PTPN11: variants seen among roughly 807,000 people sequenced by gnomAD.
PTPN11 encodes protein tyrosine phosphatase non-receptor type 11, also known as tyrosine-protein phosphatase non-receptor type 11.
PTPN11 carries 6 observed loss-of-function variants against 78.8 expected under a neutral mutation model. The observed-to-expected ratio is 0.08, with a 90% CI of 0.04 to 0.15. The LOEUF (loss-of-function observed/expected upper bound fraction) is 0.15. PTPN11 is among the 10% of genes least tolerant of loss of function. The pLI, the probability that PTPN11 is intolerant of heterozygous loss-of-function variation, is 1.00. For missense variants in PTPN11, 386 were observed against 744.8 expected (o/e 0.52, Z 5.61); for synonymous variants, 221 against 263.5 (o/e 0.84, Z 1.56).
At chr12:112,423,693 A>G (rs889974941) in intron 1 of PTPN11, among the ~76,000 whole-genome samples, 1 of 151,858 alleles carries the variant, frequency 6.6e-6, no homozygotes, top group African/African-American at 2.4e-5. Flanking sequence ...TGTTTCTGTA[A>G]TATGTATATC....
chr12:112,483,187 C>CTTT (rs576813489), intron 10 of PTPN11, among the ~76,000 whole-genome samples: 1 of 130,808 alleles, frequency 7.6e-6, no homozygotes, highest in Admixed American at 7.7e-5. Context: ...GGGGAAGGGA[C>CTTT]TTTTTTTTTT....
chr12:112,492,916 C>T (rs563482987), intron 13 of PTPN11, among the ~76,000 whole-genome samples: 2 of 152,256 alleles, frequency 1.3e-5, no homozygotes, highest in East Asian at 3.9e-4. Context: ...TTTTCTGTTT[C>T]CATCATTGCC....
chr12:112,432,018 T>C (rs1407621994), intron 1 of PTPN11, among the ~76,000 whole-genome samples: 1 of 151,572 alleles, frequency 6.6e-6, no homozygotes, highest in Non-Finnish European at 1.5e-5. Flanking sequence ...TACAAATCAG[T>C]AAGAAAAAAA....
intron 1 of PTPN11, among the ~76,000 whole-genome samples, chr12:112,431,753 A>G (rs1441721318): frequency 2.0e-5 from 3 of 152,322 alleles, no homozygotes; most frequent in African/African-American, 4.8e-5. Context: ...TGAAACTCCA[A>G]GGGCGTTCTG....
intron 7 of PTPN11, among the ~76,000 whole-genome samples, chr12:112,476,423 G>A (rs1203118271): frequency 6.6e-6 from 1 of 152,086 alleles, no homozygotes; most frequent in Non-Finnish European, 1.5e-5. Context: ...TACAGAATTT[G>A]GACAGTTGAT....
In PTPN11 at chr12:112,502,268, T is replaced by C. The variant is rs780088221; in HGVS notation, c.1712+12T>C. ...CCACCCTGTGCAGAGTAAGTAGTGC[T>C]GAAGGAAATTCTTTTTACCTGGTCA... On this transcript the variant is annotated intron_variant, in intron 14 of 15. Transcript: ENST00000351677. 1 of 1,599,120 alleles carries C rather than the reference T, an allele frequency of 6.3e-7. No homozygotes were observed. Among genetic ancestry groups the C allele is most frequent in the Non-Finnish European group, 8.6e-7 (1 of 1,166,346 alleles).
chr12:112,440,568 T>C, intron 1 of PTPN11, among the ~76,000 whole-genome samples: 1 of 138,370 alleles, frequency 7.2e-6, no homozygotes, highest in East Asian at 2.1e-4. Context: ...CTGGCCTTTT[T>C]TTTTTTTTTT....
intron 13 of PTPN11, among the ~76,000 whole-genome samples, chr12:112,490,566 C>T (rs2038733545): frequency 6.6e-6 from 1 of 152,154 alleles, no homozygotes; most frequent in African/African-American, 2.4e-5. Context: ...CTCAGCCTCT[C>T]TGAGTAGTTA....
chr12:112,502,787 G>T (rs2038891518), intron 14 of PTPN11, among the ~76,000 whole-genome samples: 1 of 152,144 alleles, frequency 6.6e-6, no homozygotes, highest in Non-Finnish European at 1.5e-5. Flanking sequence ...ACTGAAGGCT[G>T]ACTGCTATGC....
chr12:112,464,151 A>G (rs956224370), intron 6 of PTPN11, among the ~76,000 whole-genome samples: 1 of 152,234 alleles, frequency 6.6e-6, no homozygotes, highest in African/African-American at 2.4e-5. Flanking sequence ...TGCCATTGGT[A>G]ATTTAACTCT....
At position 112,486,984 on chromosome 12, in the gene PTPN11, G is replaced by A. The variant is rs150649746; in HGVS notation, c.1379+355G>A. 1.7e-4 allele frequency: 188 copies of A among 1,137,834 alleles called. 1 individual carries two copies. The highest frequency in any genetic ancestry group is 1.4e-3 in the Middle Eastern group (4 of 2,832). The allele number at this position is 1,137,834 out of a possible 1,614,324, so 70.5% of individuals were successfully genotyped here. On this transcript the variant is annotated intron_variant, in intron 11 of 15. Transcript: ENST00000351677. ...TTTGTAGCTGTTGACTGCTTTGTAGGTATTGAGGTGGTGGGGGTGTGGTGG... is the reference window on the plus strand; with the variant it reads ...TTTGTAGCTGTTGACTGCTTTGTAGATATTGAGGTGGTGGGGGTGTGGTGG...
chr12:112,425,952 C>T (rs1213437276), intron 1 of PTPN11, among the ~76,000 whole-genome samples: 1 of 152,094 alleles, frequency 6.6e-6, no homozygotes, highest in Admixed American at 6.6e-5. Context: ...GCGATTCTCC[C>T]CAAGTGCTGG....
intron 10 of PTPN11, among the ~76,000 whole-genome samples, chr12:112,484,076 G>A (rs2135909276): frequency 6.6e-6 from 1 of 152,284 alleles, no homozygotes; most frequent in Non-Finnish European, 1.5e-5. Context: ...AGGGCAAAAG[G>A]AGAAGGTGGC....
At chr12:112,444,686 AC>A (rs1178323498) in intron 1 of PTPN11, among the ~76,000 whole-genome samples, 1 of 152,172 alleles carries the variant, frequency 6.6e-6, no homozygotes, top group Non-Finnish European at 1.5e-5. Context: ...AAAATAGGAA[AC>A]TAAGAGAATG....
At chr12:112,481,015 T>C (rs1489167319) in intron 9 of PTPN11, among the ~76,000 whole-genome samples, 1 of 152,216 alleles carries the variant, frequency 6.6e-6, no homozygotes, top group Admixed American at 6.5e-5. Context: ...ATCCGCCTGC[T>C]CTTGAAGCCA....
intron 1 of PTPN11, among the ~76,000 whole-genome samples, chr12:112,422,891 GT>G (rs1438775083): frequency 1.3e-5 from 2 of 152,192 alleles, no homozygotes; most frequent in African/African-American, 2.4e-5. Context: ...GCAGGCCGTG[GT>G]GTACTTTGTT....
intron 6 of PTPN11, among the ~76,000 whole-genome samples, chr12:112,470,391 C>G (rs2038396675): frequency 6.6e-6 from 1 of 152,224 alleles, no homozygotes; most frequent in Non-Finnish European, 1.5e-5. Context: ...CACCCCGCCC[C>G]TTTGGGGGTA....
intron 6 of PTPN11, among the ~76,000 whole-genome samples, chr12:112,466,533 G>A (rs1192959146): frequency 6.6e-6 from 1 of 152,064 alleles, no homozygotes; most frequent in African/African-American, 2.4e-5. Context: ...TGTATTTTTA[G>A]TAGAGACAGG....
intron 6 of PTPN11, among the ~76,000 whole-genome samples, chr12:112,464,349 T>C (rs2038293845): frequency 1.3e-5 from 2 of 152,218 alleles, no homozygotes; most frequent in African/African-American, 2.4e-5. Context: ...TTGTAGGATA[T>C]GTTGTGTGAT....
Sources: gnomAD v4.1 joint callset for allele counts (sites outside exome capture counted in the v4.1 genomes callset) on GRCh38, gnomAD v4.1.1 for gene constraint, MANE v1.5 for transcripts, NCBI Gene and HGNC (gene_info 2026-07-23, HGNC 2026-07-21) for gene names.